Variants in PCDHGA4 observed in about 807,000 individuals in gnomAD.
PCDHGA4 encodes the protein protocadherin gamma subfamily A, 4, also known as protocadherin gamma-A4.
In PCDHGA4, 38 loss-of-function variants were observed where a neutral mutation model predicts 54.6. The observed-to-expected ratio is 0.70, with a 90% CI of 0.54 to 0.91. The LOEUF is 0.91. Among genes scored for constraint, PCDHGA4 ranks in the 40% least tolerant of loss-of-function variants. The pLI is 0.00. For synonymous variants in PCDHGA4, 511 were observed against 512.9 expected (o/e 1.00, Z 0.05); for missense variants, 1,298 against 1,220.9 (o/e 1.06, Z -0.94).
intron 1 of PCDHGA4, chr5:141,418,829 C>A: frequency 1.9e-6 from 3 of 1,613,856 alleles, no homozygotes; most frequent in Non-Finnish European, 1.7e-6. Context: ...AGCAAAAGAC[C>A]GAGGATCTCT....
intron 1 of PCDHGA4, chr5:141,394,133 G>T: frequency 6.2e-7 from 1 of 1,613,920 alleles, no homozygotes; most frequent in Non-Finnish European, 8.5e-7. Flanking sequence ...AAATCGCTCT[G>T]CACGTGGCAG....
At position 141,490,979 on chromosome 5, in the gene PCDHGA4, C is replaced by T. The variant is rs1217345302; in HGVS notation, c.2515-3828C>T. 6.2e-7 allele frequency: 1 copy of T among 1,614,086 alleles called. No individual in the cohort carries two copies. The highest frequency in any genetic ancestry group is 8.5e-7 in the Non-Finnish European group (1 of 1,180,014). ...GAACACTCAGCCCCCCAGCGTCTCC[C>T]TCGCTCTGCTCCTCCTGGCTCCTTG... On this transcript the variant is annotated intron_variant, in intron 1 of 3. Transcript: ENST00000571252. This position sits in a 1 kb window ranked among gnomAD's most constrained non-coding sequence, Gnocchi z 5.4.
chr5:141,427,454 T>C (rs62379160), intron 1 of PCDHGA4: 18,356 of 489,902 alleles, frequency 0.037, 441 homozygotes, highest in Middle Eastern at 0.11. Context: ...GAGTTCCTTT[T>C]AGAATCGAAT....
At chr5:141,364,450 CA>C (rs754806491) in intron 1 of PCDHGA4, 3 of 1,613,980 alleles carry the variant, frequency 1.9e-6, no homozygotes, top group Non-Finnish European at 2.5e-6. Context: ...AGGAGCTGGA[CA>C]AAGGCTCCTT....
At chr5:141,414,338 G>C in intron 1 of PCDHGA4, 1 of 1,613,832 alleles carries the variant, frequency 6.2e-7, no homozygotes, top group Non-Finnish European at 8.5e-7. Context: ...CAGGTAACCT[G>C]TTCCATTTTG....
In PCDHGA4 at chr5:141,376,126, C is replaced by T. The variant is rs770848918; in HGVS notation, c.2514+18505C>T. 8 of 1,613,916 alleles carry T rather than the reference C, an allele frequency of 5.0e-6. No individual in the cohort carries two copies. In the East Asian group the frequency reaches 1.3e-4, roughly 27 times the overall value. On this transcript the variant is annotated intron_variant, in intron 1 of 3. Transcript: ENST00000571252. ...CCGACCTGGGCAGCCTCGAGCCCTCCGCCAAACCCAACGATTCGGACCTCA... is the reference window on the plus strand; with the variant it reads ...CCGACCTGGGCAGCCTCGAGCCCTCTGCCAAACCCAACGATTCGGACCTCA...
Position 141,360,662 on chromosome 5 carries a change from A to C in PCDHGA4, c.2514+3041A>C. 5 of 1,614,014 alleles carry C rather than the reference A, an allele frequency of 3.1e-6. No individual in the cohort carries two copies. The Middle Eastern group carries it at 6.6e-4, about 213-fold the overall frequency. On this transcript the variant is annotated intron_variant, in intron 1 of 3. Transcript: ENST00000571252. ...CAAAGATACCACCTTAATGACAACG[A>C]GTACTTTGATCTCGCTGAGAAACAG...
At chr5:141,385,412 G>T in intron 1 of PCDHGA4, 1 of 1,472,506 alleles carries the variant, frequency 6.8e-7, no homozygotes, top group Admixed American at 2.7e-5. Context: ...TTGAAAATAG[G>T]GATTTAAAAA....
At chr5:141,461,302 T>A (rs1009664719) in intron 1 of PCDHGA4, among the ~76,000 whole-genome samples, 3 of 152,142 alleles carry the variant, frequency 2.0e-5, no homozygotes. Flanking sequence ...CAACATCTAT[T>A]GTTTTTTGAC....
intron 1 of PCDHGA4, chr5:141,372,877 A>G: frequency 1.6e-6 from 2 of 1,270,298 alleles, no homozygotes; most frequent in Non-Finnish European, 2.1e-6. Flanking sequence ...TAGAGATAAA[A>G]AGAATACAGA....
At chr5:141,470,602 G>A (rs1004044883) in intron 1 of PCDHGA4, among the ~76,000 whole-genome samples, 1 of 152,268 alleles carries the variant, frequency 6.6e-6, no homozygotes, top group South Asian at 2.1e-4. Flanking sequence ...ACCTGTGCGG[G>A]GACACAGGGC....
chr5:141,481,794 A>G (rs1433830305), intron 1 of PCDHGA4, among the ~76,000 whole-genome samples: 1 of 152,136 alleles, frequency 6.6e-6, no homozygotes, highest in Non-Finnish European at 1.5e-5. Context: ...TCTACTAAAA[A>G]TACAAAAATT....
rs374857095 is a variant in PCDHGA4, at chr5:141,409,142, A to G, written c.2514+51521A>G. 6 of 1,613,904 alleles carry G rather than the reference A, an allele frequency of 3.7e-6. No individual in the cohort carries two copies. In the African/African-American group the frequency reaches 6.7e-5, roughly 18 times the overall value. ...GTCATTTGATTTTGAAGATGTAGAA[A>G]GGTACACCATGGAAGTGGAAGCGAA... is the stretch of plus-strand genomic sequence containing the variant. On this transcript the variant is annotated intron_variant, in intron 1 of 3. Coordinates refer to ENST00000571252, the MANE Select transcript of PCDHGA4 (RefSeq NM_018917.4).
chr5:141,421,064 G>A (rs2096543646), intron 1 of PCDHGA4: 2 of 593,294 alleles, frequency 3.4e-6, no homozygotes, highest in Non-Finnish European at 5.7e-6. Context: ...ACACAAAGCG[G>A]AATGAGATGG....
intron 1 of PCDHGA4, chr5:141,413,488 C>T (rs2095648022): frequency 3.1e-6 from 5 of 1,613,868 alleles, no homozygotes; most frequent in Non-Finnish European, 3.4e-6. Context: ...TCAGAGCGCG[C>T]GGTGCGTGGT....
At chr5:141,454,838 C>G (rs1472341694) in intron 1 of PCDHGA4, among the ~76,000 whole-genome samples, 1 of 100,816 alleles carries the variant, frequency 9.9e-6, no homozygotes, top group South Asian at 3.5e-4. Flanking sequence ...GACAGAGTCG[C>G]GCTCTGTCAC....
chr5:141,444,695 CCT>C (rs2154560766), intron 1 of PCDHGA4, among the ~76,000 whole-genome samples: 1 of 152,134 alleles, frequency 6.6e-6, no homozygotes, highest in South Asian at 2.1e-4. Flanking sequence ...AAAATATTTT[CCT>C]CTTTCTGTTG....
rs777668071 is a variant in PCDHGA4 at position 141,491,848 on chromosome 5, C to G, written c.2515-2959C>G. The G allele has an allele frequency of 3.4e-6, 5 of 1,461,482 alleles. No homozygotes were observed. The highest frequency in any genetic ancestry group is 4.5e-6 in the Non-Finnish European group (5 of 1,104,578). 90.5% of individuals were successfully genotyped at this position (1,461,482 alleles called of 1,614,324 possible). A position where few individuals can be genotyped will look rare whatever the true frequency, so the allele number is the denominator to read the frequency against. ...CACCCGATTCTCGGGATCATTGGAC[C>G]GTTTGCGCGAAACCAGAGTGGCCGA... On this transcript the variant is annotated intron_variant, in intron 1 of 3. Transcript: ENST00000571252. The surrounding 1 kb of genome is among the most constrained non-coding windows in gnomAD (Gnocchi z 6.9).
intron 1 of PCDHGA4, among the ~76,000 whole-genome samples, chr5:141,381,744 G>A (rs1175308296): frequency 3.3e-5 from 5 of 151,430 alleles, no homozygotes; most frequent in Non-Finnish European, 5.9e-5. Flanking sequence ...TTTGGATTCC[G>A]ACATTGTTCT....
Sources: gnomAD v4.1 joint callset for allele counts (sites outside exome capture counted in the v4.1 genomes callset) on GRCh38, gnomAD v4.1.1 for gene constraint, Gnocchi (gnomAD v3.1) non-coding constraint, MANE v1.5 for transcripts, NCBI Gene and HGNC (gene_info 2026-07-23, HGNC 2026-07-21) for gene names.